The following TTC6 variants were observed in gnomAD, a reference collection of about 807,000 sequenced individuals.
The protein encoded by TTC6 is tetratricopeptide repeat protein 6.
TTC6 carries 172 observed loss-of-function variants against 210.4 expected under a neutral mutation model. That is an observed-to-expected ratio of 0.82 (90% CI 0.72 to 0.93). The LOEUF is 0.93. Among genes scored for constraint, TTC6 ranks in the 40% least tolerant of loss-of-function variants. The pLI, the probability that TTC6 is intolerant of heterozygous loss-of-function variation, is 0.00. For missense variants in TTC6, 2,414 were observed against 2,318.1 expected (o/e 1.04, Z -0.85); for synonymous variants, 804 against 819.6 (o/e 0.98, Z 0.32).
chr14:37,728,396 A>G (rs1045367059), intron 7 of TTC6, among the ~76,000 whole-genome samples: 2 of 147,066 alleles, frequency 1.4e-5, no homozygotes, highest in African/African-American at 5.1e-5. Context: ...CCTGGCCAAC[A>G]TGATGAAACC....
chr14:37,647,819 G>C (rs1271289690), intron 1 of TTC6, among the ~76,000 whole-genome samples: 1 of 152,084 alleles, frequency 6.6e-6, no homozygotes, highest in South Asian at 2.1e-4. Flanking sequence ...ACTGTTAGAG[G>C]CAGAGAGAAG....
chr14:37,683,618 CTATTG>C (rs892031930), intron 3 of TTC6, among the ~76,000 whole-genome samples: 2 of 151,856 alleles, frequency 1.3e-5, no homozygotes, highest in African/African-American at 4.8e-5. Context: ...TATAATTGTT[CTATTG>C]TATTATTAGT....
intron 24 of TTC6, 127 bp from the exon 27 acceptor site, chr14:37,812,187 C>A: frequency 1.1e-6 from 1 of 944,658 alleles, no homozygotes; most frequent in Non-Finnish European, 1.5e-6. Context: ...ATTATTTTGG[C>A]CATAAATTAT....
At chr14:37,805,875 A>T (rs2096117468) in intron 21 of TTC6, among the ~76,000 whole-genome samples, 1 of 151,734 alleles carries the variant, frequency 6.6e-6, no homozygotes, top group African/African-American at 2.4e-5. Context: ...TAATTTTTGT[A>T]GTTTTTAGTA....
chr14:37,675,448 A>G (rs1283903434), intron 1 of TTC6, among the ~76,000 whole-genome samples: 1 of 152,112 alleles, frequency 6.6e-6, no homozygotes, highest in Non-Finnish European at 1.5e-5. Context: ...GTATGGATAT[A>G]CCAAATTTTG....
chr14:37,666,761 C>T (rs1193641603), intron 1 of TTC6, among the ~76,000 whole-genome samples: 1 of 150,330 alleles, frequency 6.7e-6, no homozygotes, highest in African/African-American at 2.4e-5. Context: ...AGTTACCCAA[C>T]CCCTGTCCTG....
intron 29 of TTC6, among the ~76,000 whole-genome samples, chr14:37,828,984 T>C (rs1213536205): frequency 6.6e-6 from 1 of 152,032 alleles, no homozygotes; most frequent in East Asian, 1.9e-4. Context: ...ATACCTAATA[T>C]ATATGCATTA....
chr14:37,841,970 T>C (rs1368236025), intron 30 of TTC6, among the ~76,000 whole-genome samples, 185 bp from the exon 33 acceptor site: 1 of 152,202 alleles, frequency 6.6e-6, no homozygotes, highest in Non-Finnish European at 1.5e-5. Context: ...AAAGATTCAA[T>C]ATTTTTAATT....
At chr14:37,654,634 T>G (rs1455573277) in intron 1 of TTC6, among the ~76,000 whole-genome samples, 1 of 152,196 alleles carries the variant, frequency 6.6e-6, no homozygotes, top group Non-Finnish European at 1.5e-5. Context: ...ACTAATACAA[T>G]GCTTTTTAGA....
intron 14 of TTC6, among the ~76,000 whole-genome samples, chr14:37,759,284 GAAA>G (rs941687395): frequency 6.6e-6 from 1 of 150,832 alleles, no homozygotes; most frequent in African/African-American, 2.4e-5. Context: ...AAGAAAAAAA[GAAA>G]AAAAAGAAAG....
chr14:37,817,289 A>C (rs112337766), intron 25 of TTC6, among the ~76,000 whole-genome samples: 3 of 152,336 alleles, frequency 2.0e-5, no homozygotes, highest in African/African-American at 7.2e-5. Flanking sequence ...ATTGCAGGTC[A>C]AAACCATAGG....
At chr14:37,764,049 C>T in intron 14 of TTC6, among the ~76,000 whole-genome samples, 1 of 151,948 alleles carries the variant, frequency 6.6e-6, no homozygotes, top group East Asian at 1.9e-4. Flanking sequence ...TCCCTTTGAC[C>T]TATCTGCCAT....
intron 5 of TTC6, among the ~76,000 whole-genome samples, chr14:37,714,418 T>C (rs1406593669): frequency 1.3e-5 from 2 of 152,118 alleles, no homozygotes; most frequent in Non-Finnish European, 2.9e-5. Context: ...AATTTATTAT[T>C]CCAGTATAAT....
At chr14:37,770,100 T>C (rs1299960527) in intron 14 of TTC6, among the ~76,000 whole-genome samples, 1 of 152,174 alleles carries the variant, frequency 6.6e-6, no homozygotes, top group African/African-American at 2.4e-5. Context: ...AGTTTCCATG[T>C]AGTTGAGCGG....
Position 37,749,845 on chromosome 14 carries a change from TG to T in TTC6, c.2956+5del, listed in dbSNP as rs1365553347. The T allele has an allele frequency of 1.4e-4, 191 of 1,373,094 alleles. No homozygotes were observed. The highest frequency in any genetic ancestry group is 1.0e-3 in the African/African-American group (69 of 67,046). 85.1% of individuals were successfully genotyped at this position (1,373,094 alleles called of 1,614,324 possible). A position where few individuals can be genotyped will look rare whatever the true frequency, so the allele number is the denominator to read the frequency against. On this transcript the variant is annotated splice_donor_region_variant and intron_variant, in intron 12 of 30. Transcript: ENST00000553443. ...ATAAATATAATAAAAATAATACAGG[TG>T]GGTTGTCTGTAGAGACAGTTATATT...
intron 2 of TTC6, among the ~76,000 whole-genome samples, chr14:37,616,595 G>T (rs2095643007): frequency 6.6e-6 from 1 of 152,104 alleles, no homozygotes; most frequent in Non-Finnish European, 1.5e-5. Flanking sequence ...TACTCAGGAG[G>T]CTGAGGCAGG....
At chr14:37,733,755 T>A (rs189481049) in intron 7 of TTC6, among the ~76,000 whole-genome samples, 26 of 152,268 alleles carry the variant, frequency 1.7e-4, no homozygotes, top group African/African-American at 6.3e-4. Context: ...TTTCATTAGC[T>A]ATGGAAAATT....
chr14:37,668,133 T>TAAA, intron 1 of TTC6, among the ~76,000 whole-genome samples: 1 of 142,908 alleles, frequency 7.0e-6, no homozygotes, highest in South Asian at 2.2e-4. Flanking sequence ...AGACTTCATC[T>TAAA]AAAAAAAAAA....
chr14:37,622,857 C>T lies in TTC6; in HGVS notation c.793C>T (p.Gln265Ter), dbSNP rs1413277360. ...CAGCGACGCGCGGGAGGCCGCCTGG[C>T]AGGCGCTGCTGCCCTCCCGCGTGAT... Residue 265 changes from glutamine (Q) to a stop codon, truncating the protein, a stop_gained, in exon 1 of 31, where the codon CAG (glutamine) becomes TAG (stop). Transcript: ENST00000553443. LOFTEE classifies it high-confidence loss of function. The T allele has an allele frequency of 2.0e-6, 3 of 1,534,388 alleles. No individual in the cohort carries two copies. Among genetic ancestry groups the T allele is most frequent in the Admixed American group, 3.9e-5 (2 of 50,920 alleles).
Sources: allele counts gnomAD v4.1 joint callset (sites outside exome capture counted in the v4.1 genomes callset), GRCh38; gene constraint gnomAD v4.1.1; transcripts MANE v1.5; gene names NCBI Gene and HGNC (gene_info 2026-07-23, HGNC 2026-07-21).